MDM4: variants seen among roughly 807,000 people sequenced by gnomAD.
The protein encoded by MDM4 is MDM4 regulator of p53, also known as protein Mdm4.
MDM4 carries 2 observed loss-of-function variants against 60.2 expected under a neutral mutation model. The observed-to-expected ratio is 0.03, with a 90% confidence interval of 0.01 to 0.10. MDM4 has a LOEUF of 0.10. Ranked by LOEUF, MDM4 falls within the 10% of genes least tolerant of loss-of-function variation. MDM4 has a pLI of 1.00. For synonymous variants in MDM4, 202 were observed against 198.1 expected (o/e 1.02, Z -0.17); for missense variants, 447 against 577.5 (o/e 0.77, Z 2.32).
At chr1:204,538,840 A>T in intron 7 of MDM4, among the ~76,000 whole-genome samples, 1 of 144,400 alleles carries the variant, frequency 6.9e-6, no homozygotes, top group African/African-American at 2.5e-5. Context: ...TGAGTAGCTG[A>T]GATTACAGGT....
chr1:204,525,639 TTTTAA>T, intron 2 of MDM4, 43 bp downstream of exon 2: 1 of 1,360,658 alleles, frequency 7.3e-7, no homozygotes, highest in Non-Finnish European at 1.0e-6. Context: ...TTTTTTTTTT[TTTTAA>T]TTTTTAAAAA....
intron 7 of MDM4, among the ~76,000 whole-genome samples, chr1:204,538,535 G>C (rs995615616): frequency 6.6e-6 from 1 of 152,054 alleles, no homozygotes; most frequent in Non-Finnish European, 1.5e-5. Flanking sequence ...CCATGAGCTA[G>C]CATGCTACTA....
intron 5 of MDM4, among the ~76,000 whole-genome samples, chr1:204,534,648 T>C (rs1458782534): frequency 6.6e-6 from 1 of 151,966 alleles, no homozygotes. Context: ...CCACCACACC[T>C]GGCTAGTTTT....
Position 204,552,088 on chromosome 1 carries a change from A to G in MDM4, c.*2406A>G, listed in dbSNP as rs2102469967. On this transcript the variant is annotated 3_prime_UTR_variant, in exon 11 of 11. Coordinates refer to ENST00000367182, the MANE Select transcript of MDM4 (RefSeq NM_002393.5). Reference sequence around the variant, plus strand: ...GGAGTTTGAGACCAGCCTGACCGACATGGAGAAACCCCATTTTTACTAAAA... The same window carrying G: ...GGAGTTTGAGACCAGCCTGACCGACGTGGAGAAACCCCATTTTTACTAAAA... The G allele has an allele frequency of 6.1e-6, 1 of 162,646 alleles. No individual in the cohort carries two copies. The highest frequency in any genetic ancestry group is 2.9e-3 in the Middle Eastern group (1 of 350). 10.1% of individuals were successfully genotyped at this position (162,646 alleles called of 1,614,324 possible).
intron 5 of MDM4, chr1:204,532,863 T>A (rs1661011643): frequency 1.3e-6 from 2 of 1,590,258 alleles, no homozygotes; most frequent in African/African-American, 1.4e-5. Context: ...ACCCTCTCTA[T>A]TTTTGGTAAA....
At chr1:204,530,892 T>C (rs1038135887) in intron 4 of MDM4, 75 bp downstream of exon 4, 2 of 1,578,670 alleles carry the variant, frequency 1.3e-6, no homozygotes, top group Non-Finnish European at 1.7e-6. Context: ...GTTATTAATA[T>C]TTATTACTTC....
intron 7 of MDM4, among the ~76,000 whole-genome samples, chr1:204,542,394 C>G (rs566971695): frequency 6.6e-6 from 1 of 152,302 alleles, no homozygotes; most frequent in African/African-American, 2.4e-5. Context: ...GCACTATGTA[C>G]TAGAGCAAGT....
At chr1:204,540,327 A>G (rs1661926084) in intron 7 of MDM4, among the ~76,000 whole-genome samples, 1 of 151,874 alleles carries the variant, frequency 6.6e-6, no homozygotes, top group Admixed American at 6.6e-5. Flanking sequence ...TCCCCAGGAT[A>G]TCTCATTATG....
chr1:204,518,418 C>G (rs1331727486), intron 1 of MDM4, among the ~76,000 whole-genome samples: 4 of 152,208 alleles, frequency 2.6e-5, no homozygotes, highest in Non-Finnish European at 4.4e-5. Flanking sequence ...CGTCCCAGGT[C>G]CTGTAGAACA....
intron 10 of MDM4, among the ~76,000 whole-genome samples, chr1:204,547,639 T>A (rs984564932): frequency 3.9e-5 from 6 of 152,238 alleles, no homozygotes; most frequent in Non-Finnish European, 7.3e-5. Flanking sequence ...TCATTGCCAA[T>A]GATCTGTGTG....
intron 1 of MDM4, among the ~76,000 whole-genome samples, chr1:204,518,171 G>A (rs1659187829): frequency 1.3e-5 from 2 of 152,092 alleles, no homozygotes; most frequent in Admixed American, 6.6e-5. Flanking sequence ...AAGAGATGAG[G>A]TCTCACTGTG....
intron 1 of MDM4, among the ~76,000 whole-genome samples, chr1:204,524,203 T>C (rs1385513670): frequency 6.6e-6 from 1 of 152,112 alleles, no homozygotes; most frequent in Non-Finnish European, 1.5e-5. Context: ...GATACATTGG[T>C]TTTTTGGAGA....
chr1:204,521,349 T>C (rs537111906), intron 1 of MDM4, among the ~76,000 whole-genome samples: 4 of 152,358 alleles, frequency 2.6e-5, no homozygotes, highest in South Asian at 2.1e-4. Flanking sequence ...GTCATGCAGC[T>C]GTTAAGTCAG....
chr1:204,546,936 C>A (rs2102441652), intron 10 of MDM4, 59 bp downstream of exon 10: 1 of 1,076,776 alleles, frequency 9.3e-7, no homozygotes, highest in East Asian at 2.5e-5. Context: ...GATGTAATCC[C>A]AGCAGTTCAC....
At chr1:204,525,861 G>GC (rs1426815507) in intron 2 of MDM4, among the ~76,000 whole-genome samples, 1 of 152,090 alleles carries the variant, frequency 6.6e-6, no homozygotes, top group African/African-American at 2.4e-5. Flanking sequence ...TATCACTTGA[G>GC]CCCAGGAGTT....
chr1:204,552,249 G>C lies in MDM4; in HGVS notation c.*2567G>C, dbSNP rs570099759. 1.3e-5 allele frequency: 2 copies of C among 150,942 alleles called. No homozygotes were observed. The highest frequency in any genetic ancestry group is 4.9e-5 in the African/African-American group (2 of 41,122). 9.4% of individuals were successfully genotyped at this position (150,942 alleles called of 1,614,324 possible). ...GATTGCGCCATTGCACCCCAGCCTG[G>C]GCAACAATAGCGAAACTGTCTCAGA... On this transcript the variant is annotated 3_prime_UTR_variant, in exon 11 of 11. Transcript: ENST00000367182.
intron 3 of MDM4, among the ~76,000 whole-genome samples, chr1:204,530,413 C>T (rs535916313): frequency 2.4e-4 from 37 of 152,180 alleles, no homozygotes; most frequent in Middle Eastern, 3.4e-3. Flanking sequence ...TAAGAGGATA[C>T]TAGGTAAATT....
chr1:204,520,339 A>G (rs76941877), intron 1 of MDM4, among the ~76,000 whole-genome samples: 25 of 151,324 alleles, frequency 1.7e-4, no homozygotes, highest in Non-Finnish European at 3.4e-4. Flanking sequence ...TGTTAGTGGA[A>G]CAAAATTTCC....
rs2102429083 is a variant in MDM4 at position 204,544,692 on chromosome 1, G to A, written c.822+8G>A. ...AAAGTAAGTGACAAAAAGGTATGTT[G>A]TGGAAAAATTCCATGTTGATTCTGT... On this transcript the variant is annotated splice_region_variant and intron_variant, in intron 9 of 10. Transcript: ENST00000367182. 1 of 1,606,272 alleles carries A rather than the reference G, an allele frequency of 6.2e-7. No homozygotes were observed. Among genetic ancestry groups the A allele is most frequent in the Non-Finnish European group, 8.5e-7 (1 of 1,174,300 alleles).
Sources: allele counts gnomAD v4.1 joint callset (sites outside exome capture counted in the v4.1 genomes callset), GRCh38; gene constraint gnomAD v4.1.1; transcripts MANE v1.5; gene names NCBI Gene and HGNC (gene_info 2026-07-23, HGNC 2026-07-21).